The following MYBPC3 variants were observed in gnomAD, a reference collection of about 807,000 sequenced individuals.
MYBPC3 encodes myosin-binding protein C, cardiac-type.
MYBPC3 carries 108 observed loss-of-function variants against 159.3 expected under a neutral mutation model. The observed-to-expected ratio is 0.68, with a 90% CI of 0.58 to 0.80. MYBPC3 has a LOEUF of 0.80. MYBPC3 is among the 30% of genes least tolerant of loss of function. MYBPC3 has a pLI of 0.00. For missense variants in MYBPC3, 1,631 were observed against 1,762.1 expected (o/e 0.93, Z 1.33); for synonymous variants, 730 against 702.0 (o/e 1.04, Z -0.63).
chr11:47,350,994 GT>G (rs2095900185), intron 2 of MYBPC3, among the ~76,000 whole-genome samples: 3 of 152,216 alleles, frequency 2.0e-5, no homozygotes, highest in African/African-American at 7.2e-5. Flanking sequence ...CAGGGGGAGA[GT>G]GGGGTTGTGT....
intron 25 of MYBPC3, 81 bp downstream of exon 25, chr11:47,337,310 C>T: frequency 7.0e-7 from 1 of 1,418,856 alleles, no homozygotes; most frequent in Non-Finnish European, 9.4e-7. Flanking sequence ...TCTAGCATGG[C>T]TGCCTGCAGA....
chr11:47,348,630 G>T, intron 5 of MYBPC3, 89 bp from the exon 6 acceptor site: 1 of 1,043,600 alleles, frequency 9.6e-7, no homozygotes. Flanking sequence ...GAGTGGCCGG[G>T]CGCGGTGGCT....
chr11:47,340,234 CACAG>C (rs10542921), intron 20 of MYBPC3, among the ~76,000 whole-genome samples: 39,585 of 151,672 alleles, frequency 0.26, 6,027 homozygotes, highest in East Asian at 0.58. Flanking sequence ...CACGCACACA[CACAG>C]ACACAGACAC....
At chr11:47,335,616 C>G (rs1442491837) in intron 26 of MYBPC3, 1 of 376,988 alleles carries the variant, frequency 2.7e-6, no homozygotes, top group African/African-American at 2.1e-5. Context: ...CGTAAGCCAT[C>G]GCGCCTGGCC....
In MYBPC3 at chr11:47,332,941, G is replaced by A. The variant is rs754741486; in HGVS notation, c.3363C>T (p.Arg1121=). ...TGAGCTCTGGCACCACGCAGTGGGT[G>A]CGGCGGTAATGCTCCAAGACGGTGA... ...EWFTVLEHYR[R]THCVVPELII... Residue 1121 remains arginine (R), a synonymous_variant, in exon 31 of 35, where the codon CGC becomes CGT. Transcript: ENST00000545968. This position sits in a 1 kb window ranked among gnomAD's most constrained non-coding sequence, Gnocchi z 4.2. 2 of 1,610,830 alleles carry A rather than the reference G, an allele frequency of 1.2e-6. No homozygotes were observed. The highest frequency in any genetic ancestry group is 8.5e-7 in the Non-Finnish European group (1 of 1,178,730).
rs1020259718 is a variant in MYBPC3, at chr11:47,338,371, C to T, written c.2308+149G>A. 1.8e-6 allele frequency: 2 copies of T among 1,106,416 alleles called. No homozygotes were observed. The highest frequency in any genetic ancestry group is 5.2e-5 in the East Asian group (2 of 38,832). 68.5% of individuals were successfully genotyped at this position (1,106,416 alleles called of 1,614,324 possible). On this transcript the variant is annotated intron_variant, in intron 23 of 34. Transcript: ENST00000545968. This position sits in a 1 kb window ranked among gnomAD's most constrained non-coding sequence, Gnocchi z 4.7. ...TGCCTCCATCTCCCCCAGAGCGGGGCTCCTTTTGGGCAGAAAAACCTGTCC... is the reference window on the plus strand; with the variant it reads ...TGCCTCCATCTCCCCCAGAGCGGGGTTCCTTTTGGGCAGAAAAACCTGTCC...
Position 47,341,898 on chromosome 11 carries a change from T to G in MYBPC3, c.1790+93A>C, listed in dbSNP as rs2095888963. Reference sequence around the variant, plus strand: ...CTGTGCATCTGCCTCTCTGTCCACCTGTCTTTATCTCTCTCTCTCTGTTTC... The same window carrying G: ...CTGTGCATCTGCCTCTCTGTCCACCGGTCTTTATCTCTCTCTCTCTGTTTC... On this transcript the variant is annotated intron_variant, in intron 18 of 34. Transcript: ENST00000545968. 5 of 1,483,956 alleles carry G rather than the reference T, an allele frequency of 3.4e-6. No individual in the cohort carries two copies. In the South Asian group the frequency reaches 6.5e-5, roughly 19 times the overall value. The allele number at this position is 1,483,956 out of a possible 1,614,324, so 91.9% of individuals were successfully genotyped here. A position where few individuals can be genotyped will look rare whatever the true frequency, so the allele number is the denominator to read the frequency against.
intron 23 of MYBPC3, 39 bp from the exon 24 acceptor site, chr11:47,337,833 G>A (rs576300537): frequency 4.5e-5 from 68 of 1,522,216 alleles, no homozygotes; most frequent in East Asian, 7.4e-5. Context: ...GCCCTGCCCC[G>A]CTCAGGGCCT....
intron 12 of MYBPC3, among the ~76,000 whole-genome samples, chr11:47,344,248 C>T (rs1409883847): frequency 6.6e-6 from 1 of 152,200 alleles, no homozygotes; most frequent in Non-Finnish European, 1.5e-5. Flanking sequence ...GACAGCTGTG[C>T]CTTCTCTTCT....
rs11570079 is a variant in MYBPC3 at position 47,343,154 on chromosome 11, G to T, written c.1227-9C>A. 17 of 1,608,786 alleles carry T rather than the reference G, an allele frequency of 1.1e-5. No individual in the cohort carries two copies. Among genetic ancestry groups the T allele is most frequent in the Admixed American group, 1.7e-5 (1 of 59,424 alleles). ...TGGACTCAAAGATGTACCTGGGTGG[G>T]GGCCGCAGGGAAGTGGCAGGAAAGC... On this transcript the variant is annotated splice_polypyrimidine_tract_variant and intron_variant, in intron 14 of 34. Coordinates refer to ENST00000545968, the MANE Select transcript of MYBPC3 (RefSeq NM_000256.3).
At chr11:47,339,495 A>T in intron 21 of MYBPC3, 91 bp from the exon 22 acceptor site, 1 of 1,512,006 alleles carries the variant, frequency 6.6e-7, no homozygotes, top group South Asian at 1.2e-5. Flanking sequence ...CCTGACCCAC[A>T]CTGCCCACCT....
At chr11:47,347,135 T>C in intron 9 of MYBPC3, 106 bp from the exon 10 acceptor site, 1 of 1,361,670 alleles carries the variant, frequency 7.3e-7, no homozygotes, top group South Asian at 1.4e-5. Context: ...CCTGCAGCTC[T>C]GGGGACCCTC....
intron 21 of MYBPC3, 81 bp from the exon 22 acceptor site, chr11:47,339,485 C>G: frequency 3.9e-6 from 6 of 1,532,630 alleles, no homozygotes; most frequent in African/African-American, 2.7e-5. Context: ...TCTTCCACCC[C>G]CTGACCCACA....
rs2095874811 is a variant in MYBPC3, at chr11:47,331,606, T to G, written c.*137A>C. 3.1e-5 allele frequency: 16 copies of G among 513,810 alleles called. No homozygotes were observed. The South Asian group carries it at 4.2e-4, about 14-fold the overall frequency. 31.8% of individuals were successfully genotyped at this position (513,810 alleles called of 1,614,324 possible). On this transcript the variant is annotated 3_prime_UTR_variant, in exon 35 of 35. Transcript: ENST00000545968. ...GACTGCCCGACAACTGCCCTGCTGA[T>G]CCCCCATCGCAGCACAGGAGACACA...
Position 47,338,620 on chromosome 11 carries a change from G to A in MYBPC3, c.2208C>T (p.Phe736=). The A allele has an allele frequency of 6.2e-7, 1 of 1,613,980 alleles. No homozygotes were observed. The highest frequency in any genetic ancestry group is 8.5e-7 in the Non-Finnish European group (1 of 1,179,890). The change falls in exon 23 of 35, where the codon TTC becomes TTT. Residue 736 remains phenylalanine, a synonymous_variant. Transcript: ENST00000545968. The surrounding 1 kb of genome is among the most constrained non-coding windows in gnomAD (Gnocchi z 4.7). ...CTTCCTTCTCTGCCCCCTCGACCGT[G>A]AAGATGCTGCGGTCCTTGGTGGTCT... ...RVETTKDRSI[F]TVEGAEKEDE... is the part of the protein sequence containing the mutation.
rs1318614905 is a variant in MYBPC3 at position 47,349,834 on chromosome 11, G to T, written c.594C>A (p.Asp198Glu). The change falls in exon 5 of 35, where the codon GAC (aspartate) becomes GAA (glutamate). Residue 198 changes from aspartate (D) to glutamate (E), a missense_variant. Asp to Glu is a conservative substitution (Grantham distance 45, BLOSUM62 2). Transcript: ENST00000545968. ...GGTGCTGGCCCACCTTGCTGCTCAGGTCCACCCATTTGCCCTTGAACCACT... is the reference window on the plus strand; with the variant it reads ...GGTGCTGGCCCACCTTGCTGCTCAGTTCCACCCATTTGCCCTTGAACCACT... ...VVKWFKGKWV[D>E]LSSKVGQHLQ... 6.2e-7 allele frequency: 1 copy of T among 1,612,102 alleles called. No individual in the cohort carries two copies. The highest frequency in any genetic ancestry group is 1.7e-5 in the Admixed American group (1 of 59,938).
At chr11:47,349,698 C>T in intron 5 of MYBPC3, 76 bp downstream of exon 5, 2 of 1,521,154 alleles carry the variant, frequency 1.3e-6, no homozygotes, top group South Asian at 1.2e-5. Flanking sequence ...TCTCATGGTG[C>T]CCTCTGTGTG....
intron 30 of MYBPC3, 53 bp downstream of exon 30, chr11:47,333,141 G>T: frequency 6.4e-7 from 1 of 1,567,444 alleles, no homozygotes. Flanking sequence ...CTGCGGCCTG[G>T]GTCTGCCGGG....
At chr11:47,348,367 A>C in intron 6 of MYBPC3, 57 bp downstream of exon 6, 2 of 1,277,866 alleles carry the variant, frequency 1.6e-6, no homozygotes, top group African/African-American at 1.5e-5. Flanking sequence ...AAAAGGAGGT[A>C]GGAGACCAGG....
Sources: allele counts gnomAD v4.1 joint callset (sites outside exome capture counted in the v4.1 genomes callset), GRCh38; gene constraint gnomAD v4.1.1; non-coding constraint Gnocchi (gnomAD v3.1); transcripts MANE v1.5; gene names NCBI Gene and HGNC (gene_info 2026-07-23, HGNC 2026-07-21).